The following ELF1 variants were observed in gnomAD, a reference collection of about 807,000 sequenced individuals.
ELF1 encodes ETS-related transcription factor Elf-1.
Under a neutral mutation model 59.9 loss-of-function variants are expected in ELF1, and 24 were observed. That is an observed-to-expected ratio of 0.40 (90% CI 0.29 to 0.56). The LOEUF (loss-of-function observed/expected upper bound fraction) is 0.56, where lower values mean the gene tolerates loss of function less well. Ranked by LOEUF, ELF1 falls within the 20% of genes least tolerant of loss-of-function variation. ELF1 has a pLI of 0.44. For synonymous variants in ELF1, 248 were observed against 266.2 expected (o/e 0.93, Z 0.67); for missense variants, 627 against 742.2 (o/e 0.84, Z 1.80).
intron 1 of ELF1, among the ~76,000 whole-genome samples, chr13:41,053,333 G>A (rs1162458268): frequency 1.3e-5 from 2 of 151,220 alleles, no homozygotes; most frequent in African/African-American, 4.9e-5. Flanking sequence ...CAGCCTGGGT[G>A]ACAGACTGAG....
chr13:41,029,272 G>A (rs1327847062), intron 1 of ELF1, among the ~76,000 whole-genome samples: 1 of 152,210 alleles, frequency 6.6e-6, no homozygotes, highest in Admixed American at 6.5e-5. Context: ...GACAAGGGGT[G>A]GAACTGTGAT....
chr13:41,051,884 C>T (rs1340139857), intron 1 of ELF1, among the ~76,000 whole-genome samples: 1 of 149,766 alleles, frequency 6.7e-6, no homozygotes, highest in Non-Finnish European at 1.5e-5. Flanking sequence ...ATTGCTTTTT[C>T]AAAGTTCAAG....
chr13:41,055,602 C>T (rs926646097), intron 1 of ELF1, among the ~76,000 whole-genome samples: 2 of 152,094 alleles, frequency 1.3e-5, no homozygotes, highest in African/African-American at 4.8e-5. Context: ...TAACCTCCTC[C>T]ATCAGTTATT....
chr13:41,047,897 A>T (rs902752151), intron 1 of ELF1, among the ~76,000 whole-genome samples: 1 of 152,246 alleles, frequency 6.6e-6, no homozygotes, highest in Non-Finnish European at 1.5e-5. Flanking sequence ...AGAGGCAGGC[A>T]GGCCTCCTTG....
chr13:40,969,142 T>C (rs1473755151), intron 2 of ELF1, among the ~76,000 whole-genome samples: 1 of 152,224 alleles, frequency 6.6e-6, no homozygotes. Flanking sequence ...TTTTACTGAC[T>C]ACAGGTGTAG....
At chr13:41,029,309 G>C (rs1876072347) in intron 1 of ELF1, among the ~76,000 whole-genome samples, 2 of 152,354 alleles carry the variant, frequency 1.3e-5, no homozygotes, top group South Asian at 4.1e-4. Flanking sequence ...CAACTTAACT[G>C]AATTAAGAGG....
At chr13:40,985,544 T>C (rs2138283341) in intron 1 of ELF1, among the ~76,000 whole-genome samples, 1 of 152,310 alleles carries the variant, frequency 6.6e-6, no homozygotes, top group South Asian at 2.1e-4. Context: ...TAACACAGAT[T>C]AAGTAAACGC....
chr13:40,955,539 G>A lies in ELF1; in HGVS notation c.253+3297C>T, dbSNP rs182276302. On this transcript the variant is annotated intron_variant, in intron 3 of 8. Coordinates refer to ENST00000239882, the MANE Select transcript of ELF1 (RefSeq NM_172373.4). ...CTGCCCGGCCAGCCGCCCCGTCCGG[G>A]AAGTAGGTGGGGGGGTCAGCCCCCC... is the stretch of plus-strand genomic sequence containing the variant. Among the ~76,000 whole-genome samples the A allele has an allele frequency of 1.9e-3, 139 of 71,312 alleles. 5 individuals are homozygous for A. The highest frequency in any genetic ancestry group is 6.1e-3 in the African/African-American group (128 of 21,102). The allele number at this position is 71,312 out of a possible 152,430, so 46.8% of individuals were successfully genotyped here.
chr13:40,975,232 CTTACT>C (rs747092854), intron 2 of ELF1, among the ~76,000 whole-genome samples: 10 of 152,176 alleles, frequency 6.6e-5, no homozygotes, highest in Non-Finnish European at 1.3e-4. Context: ...TTCCTTCTAC[CTTACT>C]TTATGAGGTA....
intron 1 of ELF1, among the ~76,000 whole-genome samples, chr13:41,036,138 G>C (rs550130981): frequency 6.6e-6 from 1 of 151,822 alleles, no homozygotes; most frequent in East Asian, 1.9e-4. Context: ...GGATGGTTTT[G>C]AACTCCTGAT....
chr13:40,972,556 C>T (rs1388794701), intron 2 of ELF1, among the ~76,000 whole-genome samples: 2 of 152,172 alleles, frequency 1.3e-5, no homozygotes, highest in African/African-American at 4.8e-5. Context: ...TAGAGATTAT[C>T]CAGTGTAAGA....
chr13:40,943,998 T>C (rs1870351806), intron 5 of ELF1, 73 bp from the exon 6 acceptor site: 3 of 1,432,758 alleles, frequency 2.1e-6, no homozygotes, highest in East Asian at 2.3e-5. Context: ...AGCTATTTTG[T>C]CGTTTACCCT....
chr13:40,979,232 CAT>C (rs1491120203), intron 2 of ELF1, among the ~76,000 whole-genome samples: 2 of 151,518 alleles, frequency 1.3e-5, no homozygotes. Flanking sequence ...CACACACACA[CAT>C]AATGACAAAA....
intron 1 of ELF1, among the ~76,000 whole-genome samples, chr13:40,987,962 C>G (rs1873647470): frequency 6.6e-6 from 1 of 152,008 alleles, no homozygotes; most frequent in Non-Finnish European, 1.5e-5. Context: ...TGAAAGAAAA[C>G]AGAGTAAGAA....
At chr13:41,019,741 C>A (rs1191907924), upstream of ELF1, among the ~76,000 whole-genome samples, 1 of 152,078 alleles carries the variant, frequency 6.6e-6, no homozygotes, top group Non-Finnish European at 1.5e-5. Flanking sequence ...TGTAATCTGG[C>A]TACTCATTAA....
chr13:41,014,832 G>A (rs1241974105), intron 1 of ELF1, among the ~76,000 whole-genome samples: 1 of 152,066 alleles, frequency 6.6e-6, no homozygotes, highest in Non-Finnish European at 1.5e-5. Flanking sequence ...TAGATGAGAT[G>A]TAATGTTAGG....
At chr13:40,938,639 G>C (rs1285225994) in intron 8 of ELF1, among the ~76,000 whole-genome samples, 1 of 152,090 alleles carries the variant, frequency 6.6e-6, no homozygotes, top group Non-Finnish European at 1.5e-5. Context: ...GAGCTATGAG[G>C]ATTCTATGCC....
At chr13:40,959,132 G>T in intron 2 of ELF1, 116 bp from the exon 3 acceptor site, 1 of 1,344,760 alleles carries the variant, frequency 7.4e-7, no homozygotes, top group Non-Finnish European at 9.8e-7. Context: ...TAGATCATCA[G>T]GCTGTATCTC....
intron 3 of ELF1, 91 bp from the exon 4 acceptor site, chr13:40,951,527 A>G (rs897124667): frequency 1.2e-6 from 1 of 829,144 alleles, no homozygotes; most frequent in Admixed American, 2.7e-5. Context: ...ACCAGAATAC[A>G]TCATTTAATA....
Sources: allele counts gnomAD v4.1 joint callset (sites outside exome capture counted in the v4.1 genomes callset), GRCh38; gene constraint gnomAD v4.1.1; transcripts MANE v1.5; gene names NCBI Gene and HGNC (gene_info 2026-07-23, HGNC 2026-07-21).